Variants in ZNF609 observed in about 807,000 individuals in gnomAD.
ZNF609 encodes the protein zinc finger protein 609.
In ZNF609, 11 loss-of-function variants were observed where a neutral mutation model predicts 109.5. That is an observed-to-expected ratio of 0.10 (90% CI 0.06 to 0.17). The LOEUF is 0.17. ZNF609 is among the 10% of genes least tolerant of loss of function. The pLI, the probability that ZNF609 is intolerant of heterozygous loss-of-function variation, is 1.00. For synonymous variants in ZNF609, 646 were observed against 662.0 expected (o/e 0.98, Z 0.37); for missense variants, 1,559 against 1,772.4 (o/e 0.88, Z 2.16).
In ZNF609 at chr15:64,460,635, C is replaced by G. The variant is rs895532834; in HGVS notation, c.-331C>G. ...GCGGCGGCTGAGGGACCCGCGGCCCCGGACACAGCGGCACCGGCCGGGCGG... is the reference window on the plus strand; with the variant it reads ...GCGGCGGCTGAGGGACCCGCGGCCCGGGACACAGCGGCACCGGCCGGGCGG... On this transcript the variant is annotated 5_prime_UTR_variant, in exon 1 of 10. Transcript: ENST00000326648. The G allele has an allele frequency of 4.4e-5, 7 of 158,452 alleles. No individual in the cohort carries two copies. The East Asian group carries it at 7.7e-4, about 17-fold the overall frequency. The allele number at this position is 158,452 out of a possible 1,614,324, so 9.8% of individuals were successfully genotyped here.
chr15:64,555,182 T>C (rs1235771402), intron 2 of ZNF609, among the ~76,000 whole-genome samples: 1 of 151,698 alleles, frequency 6.6e-6, no homozygotes, highest in Non-Finnish European at 1.5e-5. Context: ...CTAGGCAACC[T>C]AGTGATACCT....
chr15:64,544,354 C>T (rs1439875294), intron 2 of ZNF609, among the ~76,000 whole-genome samples: 4 of 152,066 alleles, frequency 2.6e-5, no homozygotes, highest in African/African-American at 9.7e-5. Flanking sequence ...AAGTTCTCAA[C>T]TTGAGCACTG....
chr15:64,609,580 G>C (rs1346107084), intron 2 of ZNF609, among the ~76,000 whole-genome samples: 1 of 151,728 alleles, frequency 6.6e-6, no homozygotes, highest in Admixed American at 6.6e-5. Context: ...AAAGTGCTGG[G>C]ATTACAGGCG....
At chr15:64,550,696 T>C (rs957456511) in intron 2 of ZNF609, among the ~76,000 whole-genome samples, 3 of 151,830 alleles carry the variant, frequency 2.0e-5, no homozygotes, top group African/African-American at 7.3e-5. Context: ...ATTAGCTGGG[T>C]GTGGTGGCAC....
In ZNF609 at chr15:64,678,118, G is replaced by T; in HGVS notation, c.3405G>T (p.Glu1135Asp). Residue 1135 changes from glutamate to aspartate, a missense_variant and splice_region_variant, in exon 6 of 10, where the codon GAG (glutamate) becomes GAT (aspartate). By Grantham distance (45) the Glu-to-Asp change is conservative. Coordinates refer to ENST00000326648, the MANE Select transcript of ZNF609 (RefSeq NM_015042.2). ...EMDPILWYRQEAEPRMWTYVY... is the reference protein window; with the variant it reads ...EMDPILWYRQDAEPRMWTYVY... ...TCGTTGTTCTGTGATTGTTGTAGGAGGCAGAGCCCCGGATGTGGACATATG... is the reference window on the plus strand; with the variant it reads ...TCGTTGTTCTGTGATTGTTGTAGGATGCAGAGCCCCGGATGTGGACATATG... 3 of 1,611,722 alleles carry T rather than the reference G, an allele frequency of 1.9e-6. No individual in the cohort carries two copies. Among genetic ancestry groups the T allele is most frequent in the Non-Finnish European group, 2.5e-6 (3 of 1,178,804 alleles).
chr15:64,519,625 G>T (rs1893862774), intron 2 of ZNF609, among the ~76,000 whole-genome samples: 1 of 152,216 alleles, frequency 6.6e-6, no homozygotes, highest in African/African-American at 2.4e-5. Flanking sequence ...TGCCACTTAT[G>T]AACAATGGAA....
At chr15:64,633,714 G>C (rs1477296414) in intron 3 of ZNF609, among the ~76,000 whole-genome samples, 1 of 152,048 alleles carries the variant, frequency 6.6e-6, no homozygotes, top group African/African-American at 2.4e-5. Context: ...TTGTTATCTG[G>C]TCTTTTGTTG....
intron 2 of ZNF609, among the ~76,000 whole-genome samples, chr15:64,564,271 G>A (rs1273187781): frequency 6.6e-6 from 1 of 152,090 alleles, no homozygotes; most frequent in Admixed American, 6.6e-5. Flanking sequence ...CCCACCGGGG[G>A]TCTTGGAATG....
At position 64,677,448 on chromosome 15, in the gene ZNF609, C is replaced by T. The variant is rs554043601; in HGVS notation, c.3403-668C>T. ...ATTTGTCTGGGGTTACTTGAGACCTCACTAGCAGAGCCAGGATTAGAACCC... is the reference window on the plus strand; with the variant it reads ...ATTTGTCTGGGGTTACTTGAGACCTTACTAGCAGAGCCAGGATTAGAACCC... On this transcript the variant is annotated intron_variant, in intron 5 of 9. Coordinates refer to ENST00000326648, the MANE Select transcript of ZNF609 (RefSeq NM_015042.2). Among the ~76,000 whole-genome samples the T allele has an allele frequency of 3.3e-5, 5 of 152,336 alleles. No homozygotes were observed. The South Asian group carries it at 1.0e-3, about 32-fold the overall frequency.
chr15:64,480,502 G>C (rs1893237483), intron 1 of ZNF609, among the ~76,000 whole-genome samples: 1 of 151,408 alleles, frequency 6.6e-6, no homozygotes, highest in Non-Finnish European at 1.5e-5. Context: ...CTGCACTCCA[G>C]CCTGCACAAC....
At chr15:64,680,565 G>A (rs562490301) in intron 7 of ZNF609, 81 bp from the exon 8 acceptor site, 21 of 1,087,240 alleles carry the variant, frequency 1.9e-5, no homozygotes, top group Middle Eastern at 5.6e-4. Flanking sequence ...TCTCACTTGT[G>A]TGTGTGTGTG....
chr15:64,479,056 C>T (rs965194969), intron 1 of ZNF609, among the ~76,000 whole-genome samples: 2 of 152,104 alleles, frequency 1.3e-5, no homozygotes, highest in Non-Finnish European at 2.9e-5. Flanking sequence ...TTAGTAGGCC[C>T]TTCCAGTTGC....
chr15:64,575,403 A>C (rs2140417856), intron 2 of ZNF609, among the ~76,000 whole-genome samples: 2 of 131,790 alleles, frequency 1.5e-5, no homozygotes, highest in South Asian at 4.9e-4. Context: ...CAGCCTGGGC[A>C]ACAAGAACTC....
chr15:64,549,811 G>T (rs556787189), intron 2 of ZNF609, among the ~76,000 whole-genome samples: 137 of 151,998 alleles, frequency 9.0e-4, no homozygotes, highest in African/African-American at 3.1e-3. Context: ...TTTGAGATGG[G>T]ATCTCACTCT....
In ZNF609 at chr15:64,674,027, C is replaced by T. The variant is rs1896772785; in HGVS notation, c.1173C>T (p.Asp391=). ...TPVNETATAS[D]SKGTSNSSKT... ...TCAATGAGACAGCCACAGCCTCTGA[C>T]AGCAAAGGGACCAGTAACAGCAGCA... The change falls in exon 5 of 10, where the codon GAC becomes GAT. Residue 391 remains aspartate, a synonymous_variant. Transcript: ENST00000326648. 6.2e-7 allele frequency: 1 copy of T among 1,614,020 alleles called. No homozygotes were observed. The highest frequency in any genetic ancestry group is 1.1e-5 in the South Asian group (1 of 91,086).
At chr15:64,574,455 G>A (rs1894914938) in intron 2 of ZNF609, among the ~76,000 whole-genome samples, 1 of 152,078 alleles carries the variant, frequency 6.6e-6, no homozygotes, top group African/African-American at 2.4e-5. Flanking sequence ...ATCTGCCCAA[G>A]GGACTTAATA....
rs1893329217 is a variant in ZNF609 at position 64,486,121 on chromosome 15, A to G, written c.-127-13172A>G. Among the ~76,000 whole-genome samples the G allele has an allele frequency of 2.0e-5, 3 of 152,274 alleles. No homozygotes were observed. The South Asian group carries it at 6.2e-4, about 32-fold the overall frequency. On this transcript the variant is annotated intron_variant, in intron 1 of 9. Transcript: ENST00000326648. ...CTGTCCCCTTCTCCCATCTCCCACA[A>G]TAAGATTTTTGATAAATTATTGGAT... is the stretch of plus-strand genomic sequence containing the variant.
Position 64,682,456 on chromosome 15 carries a change from C to T in ZNF609, c.*770C>T, listed in dbSNP as rs555054479. 1 of 152,860 alleles carries T rather than the reference C, an allele frequency of 6.5e-6. No homozygotes were observed. The highest frequency in any genetic ancestry group is 6.5e-5 in the Admixed American group (1 of 15,306). 9.5% of individuals were successfully genotyped at this position (152,860 alleles called of 1,614,324 possible). On this transcript the variant is annotated 3_prime_UTR_variant, in exon 10 of 10. Coordinates refer to ENST00000326648, the MANE Select transcript of ZNF609 (RefSeq NM_015042.2). ...CACTGGGAGCAAGCTGGTGCTGGAG[C>T]ATGAATGACGTCTGTGAAGTAGAAC...
chr15:64,469,987 A>G (rs1893071922), intron 1 of ZNF609, among the ~76,000 whole-genome samples: 1 of 152,206 alleles, frequency 6.6e-6, no homozygotes. Flanking sequence ...TATGGAGGTT[A>G]GTTGGATATT....
Sources: gnomAD v4.1 joint callset for allele counts (sites outside exome capture counted in the v4.1 genomes callset) on GRCh38, gnomAD v4.1.1 for gene constraint, MANE v1.5 for transcripts, NCBI Gene and HGNC (gene_info 2026-07-23, HGNC 2026-07-21) for gene names.